The following BLOC1S2 variants were observed in gnomAD, a reference collection of about 807,000 sequenced individuals.
The protein encoded by BLOC1S2 is biogenesis of lysosomal organelles complex 1 subunit 2, also known as biogenesis of lysosome-related organelles complex 1 subunit 2.
A neutral mutation model predicts 19.6 loss-of-function variants in BLOC1S2; 12 were observed. The observed-to-expected ratio is 0.61, with a 90% CI of 0.39 to 0.99. BLOC1S2 has a LOEUF of 0.99. BLOC1S2 is among the 50% of genes least tolerant of loss of function. BLOC1S2 has a pLI of 0.00. For missense variants in BLOC1S2, 142 were observed against 171.0 expected, an observed-to-expected ratio of 0.83 and a Z score of 0.95; for synonymous variants, 66 against 64.1, an observed-to-expected ratio of 1.03 and a Z score of -0.14.
At chr10:100,275,521 T>C (rs1847828927) in intron 4 of BLOC1S2, 28 bp from the exon 5 acceptor site, 1 of 1,593,252 alleles carries the variant, frequency 6.3e-7, no homozygotes, top group Admixed American at 1.7e-5. Flanking sequence ...GAGTTACATC[T>C]TTTAAAACTG....
intron 4 of BLOC1S2, among the ~76,000 whole-genome samples, chr10:100,277,364 G>T (rs1433327405): frequency 2.0e-5 from 3 of 149,156 alleles, no homozygotes; most frequent in African/African-American, 7.4e-5. Flanking sequence ...CAGCCGCCCC[G>T]TCCGGGAGGT....
intron 3 of BLOC1S2, 31 bp from the exon 4 acceptor site, chr10:100,280,259 T>C (rs1425800307): frequency 1.9e-6 from 3 of 1,545,640 alleles, no homozygotes; most frequent in East Asian, 2.3e-5. Flanking sequence ...TTCATGTTTA[T>C]ATGGCTTTAT....
rs1392421803 is a variant in BLOC1S2 at position 100,280,136 on chromosome 10, A to C, written c.385T>G (p.Ser129Ala). 6.2e-7 allele frequency: 1 copy of C among 1,613,154 alleles called. No individual in the cohort carries two copies. The highest frequency in any genetic ancestry group is 8.5e-7 in the Non-Finnish European group (1 of 1,179,608). ...EQAAYKLDAYSKKLEAKYKKL... is the reference protein window; with the variant it reads ...EQAAYKLDAYAKKLEAKYKKL... The stretch of plus-strand genomic sequence containing the variant: ...TAAAAACGGTTACCCAGTTTTTTTG[A>C]ATATGCATCCAACTTGTAAGCTGCC... Residue 129 changes from serine to alanine, a missense_variant, in exon 4 of 5, where the codon TCA (serine) becomes GCA (alanine). Around this residue, in one of 2 missense-constraint regions of BLOC1S2, gnomAD observed 94 missense variants for 141.3 expected, o/e 0.67. Transcript: ENST00000370372.
chr10:100,284,302 A>G (rs561896721), intron 2 of BLOC1S2, among the ~76,000 whole-genome samples: 12 of 152,322 alleles, frequency 7.9e-5, no homozygotes, highest in African/African-American at 2.6e-4. Context: ...GGAATTGTTA[A>G]AGAGAAGCCA....
chr10:100,275,367 G>A lies in BLOC1S2; in HGVS notation c.*95C>T, dbSNP rs140852755. ...GATGACCAGCATAATTTCCTTTTGA[G>A]GAATTTTCACAATTCATCAGCCTCA... On this transcript the variant is annotated 3_prime_UTR_variant, in exon 5 of 5. Transcript: ENST00000370372. The A allele has an allele frequency of 6.3e-3, 8,251 of 1,304,512 alleles. 56 individuals are homozygous for A. Among genetic ancestry groups the A allele is most frequent in the Non-Finnish European group, 7.0e-3 (6,590 of 938,570 alleles). The allele number at this position is 1,304,512 out of a possible 1,614,324, so 80.8% of individuals were successfully genotyped here. A position where few individuals can be genotyped will look rare whatever the true frequency, so the allele number is the denominator to read the frequency against.
At chr10:100,277,403 C>G (rs1419151540) in intron 4 of BLOC1S2, among the ~76,000 whole-genome samples, 5 of 150,366 alleles carry the variant, frequency 3.3e-5, no homozygotes, top group Non-Finnish European at 7.4e-5. Flanking sequence ...GCCGCCCCTA[C>G]TGGGAAGTGA....
intron 4 of BLOC1S2, among the ~76,000 whole-genome samples, chr10:100,276,467 T>C (rs1226963894): frequency 2.4e-5 from 1 of 41,838 alleles, no homozygotes; most frequent in Admixed American, 3.1e-4. Flanking sequence ...CTCTCCCGTC[T>C]CCCTCTCCCT....
intron 4 of BLOC1S2, among the ~76,000 whole-genome samples, chr10:100,278,046 C>G (rs1341153659): frequency 7.2e-6 from 1 of 138,868 alleles, no homozygotes; most frequent in South Asian, 2.3e-4. Flanking sequence ...CCGCCCCGTC[C>G]GGGAGGGAGG....
intron 4 of BLOC1S2, among the ~76,000 whole-genome samples, chr10:100,279,816 G>T (rs542650878): frequency 6.6e-6 from 1 of 152,074 alleles, no homozygotes; most frequent in African/African-American, 2.4e-5. Flanking sequence ...AGGAGGCGGA[G>T]GTTGCGGTGA....
intron 2 of BLOC1S2, among the ~76,000 whole-genome samples, chr10:100,282,602 C>T: frequency 6.6e-6 from 1 of 152,194 alleles, no homozygotes; most frequent in East Asian, 1.9e-4. Context: ...ACCCCCTTAA[C>T]TATCAGTTCT....
intron 2 of BLOC1S2, among the ~76,000 whole-genome samples, chr10:100,284,933 A>G (rs1313546691): frequency 6.6e-6 from 1 of 151,486 alleles, no homozygotes; most frequent in Non-Finnish European, 1.5e-5. Flanking sequence ...GTAGATATTG[A>G]GGGATGGAAG....
At chr10:100,286,360 G>C in intron 1 of BLOC1S2, 147 bp from the exon 2 acceptor site, 1 of 1,458,774 alleles carries the variant, frequency 6.9e-7, no homozygotes, top group Non-Finnish European at 9.1e-7. Context: ...CCTTCACTGC[G>C]TCCCTGCCCA....
chr10:100,277,101 C>T (rs1490500672), intron 4 of BLOC1S2, among the ~76,000 whole-genome samples: 3 of 151,278 alleles, frequency 2.0e-5, no homozygotes, highest in Non-Finnish European at 4.4e-5. Flanking sequence ...AAGTGAGGAG[C>T]GTCTCTGCCC....
intron 4 of BLOC1S2, among the ~76,000 whole-genome samples, chr10:100,277,187 C>T (rs1469103311): frequency 6.9e-6 from 1 of 144,730 alleles, no homozygotes; most frequent in African/African-American, 2.6e-5. Context: ...CGTCTCTGCC[C>T]GGCCGCCCCG....
intron 4 of BLOC1S2, among the ~76,000 whole-genome samples, chr10:100,279,315 A>T (rs1419570929): frequency 6.6e-6 from 1 of 152,178 alleles, no homozygotes; most frequent in Non-Finnish European, 1.5e-5. Context: ...TACAAATAAG[A>T]ACTTGAGCTT....
chr10:100,285,959 T>G, intron 2 of BLOC1S2, 138 bp downstream of exon 2: 2 of 1,205,580 alleles, frequency 1.7e-6, no homozygotes, highest in Non-Finnish European at 2.3e-6. Flanking sequence ...TTCTCTCCCA[T>G]TCATGGCCTC....
Position 100,286,605 on chromosome 10 carries a change from C to T in BLOC1S2, c.55G>A (p.Asp19Asn), listed in dbSNP as rs764926613. The stretch of plus-strand genomic sequence containing the variant: ...CTTCCTCCCCATCCATTCCGGGTAC[C>T]TCGGGCGGGCTCATCACTCCGGGTC... ...LATRSDEPAR[D>N]DAAVETAEEA... The change falls in exon 1 of 5, where the codon GAC becomes AAC. Residue 19 changes from aspartate to asparagine, a missense_variant and splice_region_variant. Coordinates refer to ENST00000370372, the MANE Select transcript of BLOC1S2 (RefSeq NM_173809.5). The T allele has an allele frequency of 7.4e-6, 12 of 1,612,788 alleles. No individual in the cohort carries two copies. The highest frequency in any genetic ancestry group is 1.0e-5 in the Non-Finnish European group (12 of 1,179,340).
chr10:100,281,711 T>TACACACATAC (rs1554911026), intron 2 of BLOC1S2, among the ~76,000 whole-genome samples: 1 of 132,540 alleles, frequency 7.5e-6, no homozygotes, highest in Non-Finnish European at 1.6e-5. Flanking sequence ...TATATACACA[T>TACACACATAC]ACACACACAC....
At chr10:100,285,139 T>C (rs1453333967) in intron 2 of BLOC1S2, among the ~76,000 whole-genome samples, 1 of 152,178 alleles carries the variant, frequency 6.6e-6, no homozygotes, top group Non-Finnish European at 1.5e-5. Flanking sequence ...CCTTTTCTCA[T>C]AGATTCTGAT....
Sources: gnomAD v4.1 joint callset for allele counts (sites outside exome capture counted in the v4.1 genomes callset) on GRCh38, gnomAD v4.1.1 for gene constraint, gnomAD v4.1.1 regional missense constraint, MANE v1.5 for transcripts, NCBI Gene and HGNC (gene_info 2026-07-23, HGNC 2026-07-21) for gene names.